PARPBP: variants seen among roughly 807,000 people sequenced by gnomAD.
PARPBP encodes the protein PCNA-interacting partner.
A neutral mutation model predicts 50.0 loss-of-function variants in PARPBP; 52 were observed. That is an observed-to-expected ratio of 1.04 (90% CI 0.83 to 1.31). The LOEUF is 1.31. PARPBP is among the 50% of genes most tolerant of loss of function. PARPBP has a pLI of 0.00. For missense variants in PARPBP, 697 were observed against 672.0 expected, an observed-to-expected ratio of 1.04 and a Z score of -0.41; for synonymous variants, 244 against 232.1, an observed-to-expected ratio of 1.05 and a Z score of -0.47.
intron 6 of PARPBP, among the ~76,000 whole-genome samples, chr12:102,167,443 G>C (rs1197716982): frequency 6.6e-6 from 1 of 152,016 alleles, no homozygotes; most frequent in Non-Finnish European, 1.5e-5. Flanking sequence ...TCATAGTAGA[G>C]GTGTTCCCAC....
chr12:102,150,146 C>T (rs1201448619), intron 3 of PARPBP: 6 of 429,436 alleles, frequency 1.4e-5, no homozygotes, highest in South Asian at 5.1e-5. Context: ...CAAATGTCAT[C>T]GTGTCATCAG....
intron 2 of PARPBP, among the ~76,000 whole-genome samples, chr12:102,138,414 C>T (rs1005690634): frequency 6.6e-6 from 1 of 152,038 alleles, no homozygotes; most frequent in Non-Finnish European, 1.5e-5. Context: ...AGCCCTTTGT[C>T]AGATGGGTAG....
In PARPBP at chr12:102,165,815, G is replaced by C. The variant is rs1390215173; in HGVS notation, c.753G>C (p.Lys251Asn). The C allele has an allele frequency of 6.3e-7, 1 of 1,589,324 alleles. No individual in the cohort carries two copies. The highest frequency in any genetic ancestry group is 1.7e-5 in the Admixed American group (1 of 59,790). ...PPSDPLRTHV[K>N]GLSNFINFID... The stretch of plus-strand genomic sequence containing the variant: ...CAGATCCTTTAAGGACACATGTAAA[G>C]GGATTGTCTAATTTTATTAATTTCA... The change falls in exon 6 of 11, where the codon AAG (lysine) becomes AAC (asparagine). Residue 251 changes from lysine to asparagine, a missense_variant. Coordinates refer to ENST00000327680, the MANE Select transcript of PARPBP (RefSeq NM_017915.5).
At chr12:102,133,751 G>C (rs1883204155) in intron 2 of PARPBP, among the ~76,000 whole-genome samples, 1 of 152,060 alleles carries the variant, frequency 6.6e-6, no homozygotes, top group Non-Finnish European at 1.5e-5. Flanking sequence ...CACAAAACAA[G>C]TCTTAACAAA....
intron 2 of PARPBP, among the ~76,000 whole-genome samples, chr12:102,138,676 G>T (rs1164835426): frequency 6.6e-6 from 1 of 152,158 alleles, no homozygotes; most frequent in African/African-American, 2.4e-5. Context: ...AAGGTGTAAG[G>T]AAGGGATCCA....
intron 2 of PARPBP, among the ~76,000 whole-genome samples, chr12:102,133,083 A>G (rs1225206770): frequency 1.3e-5 from 2 of 152,132 alleles, no homozygotes; most frequent in Non-Finnish European, 2.9e-5. Flanking sequence ...AGAACATGTT[A>G]TCTGTAAACA....
At chr12:102,171,340 G>T (rs980694201) in intron 6 of PARPBP, among the ~76,000 whole-genome samples, 1 of 152,076 alleles carries the variant, frequency 6.6e-6, no homozygotes, top group Non-Finnish European at 1.5e-5. Context: ...CCACAAACAT[G>T]TGAGTGATGT....
At chr12:102,143,477 C>T (rs369131603) in intron 2 of PARPBP, among the ~76,000 whole-genome samples, 24 of 152,272 alleles carry the variant, frequency 1.6e-4, no homozygotes, top group East Asian at 1.2e-3. Context: ...ATGCTCTGTG[C>T]GCTGCACCCA....
chr12:102,132,020 A>G (rs1158947792), intron 2 of PARPBP, among the ~76,000 whole-genome samples: 1 of 152,218 alleles, frequency 6.6e-6, no homozygotes, highest in Non-Finnish European at 1.5e-5. Context: ...CCTGGCCAAC[A>G]TGGTGAAACC....
chr12:102,171,727 G>A (rs1888760504), intron 6 of PARPBP, among the ~76,000 whole-genome samples: 1 of 152,140 alleles, frequency 6.6e-6, no homozygotes, highest in South Asian at 2.1e-4. Flanking sequence ...TTAGCCAGGT[G>A]TGGTGGTGGC....
chr12:102,146,650 G>C (rs1490617867), intron 2 of PARPBP, among the ~76,000 whole-genome samples: 1 of 152,078 alleles, frequency 6.6e-6, no homozygotes, highest in East Asian at 1.9e-4. Context: ...TCAGGACATA[G>C]GCATGAGCAA....
intron 3 of PARPBP, among the ~76,000 whole-genome samples, chr12:102,151,064 A>G (rs1229688430): frequency 6.6e-6 from 1 of 151,976 alleles, no homozygotes; most frequent in East Asian, 1.9e-4. Flanking sequence ...AATGAAGAAA[A>G]CAACACACCA....
intron 2 of PARPBP, among the ~76,000 whole-genome samples, chr12:102,138,971 G>GC (rs78527117): frequency 0.045 from 6,828 of 152,178 alleles, 409 homozygotes; most frequent in East Asian, 0.29. Flanking sequence ...GGCAATGTGG[G>GC]CTCTTTTTTG....
intron 9 of PARPBP, among the ~76,000 whole-genome samples, chr12:102,194,027 A>G (rs1405333074): frequency 6.6e-6 from 1 of 152,066 alleles, no homozygotes; most frequent in Admixed American, 6.6e-5. Flanking sequence ...AGACTGTCAC[A>G]GACCTCATTA....
At chr12:102,146,072 A>G (rs1885302121) in intron 2 of PARPBP, among the ~76,000 whole-genome samples, 2 of 152,222 alleles carry the variant, frequency 1.3e-5, no homozygotes, top group Non-Finnish European at 2.9e-5. Flanking sequence ...AAGAGGATAC[A>G]AAGAAATGGA....
chr12:102,193,580 G>A (rs941511636), intron 9 of PARPBP, among the ~76,000 whole-genome samples: 1 of 152,002 alleles, frequency 6.6e-6, no homozygotes, highest in African/African-American at 2.4e-5. Context: ...TGAAAATAAT[G>A]TGTGATAAGA....
At chr12:102,124,123 A>G (rs529933230) in intron 2 of PARPBP, 82 bp downstream of exon 2, 8 of 934,504 alleles carry the variant, frequency 8.6e-6, no homozygotes, top group African/African-American at 8.3e-5. Context: ...TAAGCTTAAG[A>G]ATATTAATTT....
At chr12:102,143,793 A>C (rs1005512173) in intron 2 of PARPBP, among the ~76,000 whole-genome samples, 1 of 151,354 alleles carries the variant, frequency 6.6e-6, no homozygotes, top group Non-Finnish European at 1.5e-5. Flanking sequence ...TTTTTGCCTT[A>C]AATTGTCTTA....
rs1891344641 is a variant in PARPBP at position 102,196,741 on chromosome 12, A to G, written c.*450A>G. On this transcript the variant is annotated 3_prime_UTR_variant, in exon 11 of 11. Transcript: ENST00000327680. ...AAGTTTAAATTGTTTAAAGGACTATAATTATCACACAAAATTTATTAAGAA... is the reference window on the plus strand; with the variant it reads ...AAGTTTAAATTGTTTAAAGGACTATGATTATCACACAAAATTTATTAAGAA... 4 of 1,453,124 alleles carry G rather than the reference A, an allele frequency of 2.8e-6. No individual in the cohort carries two copies. In the East Asian group the frequency reaches 9.1e-5, roughly 33 times the overall value. The allele number at this position is 1,453,124 out of a possible 1,614,324, so 90.0% of individuals were successfully genotyped here.
Sources: allele counts gnomAD v4.1 joint callset (sites outside exome capture counted in the v4.1 genomes callset), GRCh38; gene constraint gnomAD v4.1.1; transcripts MANE v1.5; gene names NCBI Gene and HGNC (gene_info 2026-07-23, HGNC 2026-07-21).